Variants in FBXO16 observed in about 807,000 individuals in gnomAD.
The protein encoded by FBXO16 is F-box only protein 16.
Under a neutral mutation model 41.0 loss-of-function variants are expected in FBXO16, and 31 were observed. The observed-to-expected ratio is 0.76, with a 90% CI of 0.57 to 1.02. The LOEUF (loss-of-function observed/expected upper bound fraction) is 1.02, where lower values mean the gene tolerates loss of function less well. Among genes scored for constraint, FBXO16 ranks in the 50% least tolerant of loss-of-function variants. The pLI is 0.00. For synonymous variants in FBXO16, 133 were observed against 117.8 expected, an observed-to-expected ratio of 1.13 and a Z score of -0.84; for missense variants, 361 against 346.2, an observed-to-expected ratio of 1.04 and a Z score of -0.34.
At chr8:28,440,877 G>A (rs529923040) in intron 7 of FBXO16, among the ~76,000 whole-genome samples, 2 of 152,080 alleles carry the variant, frequency 1.3e-5, no homozygotes, top group African/African-American at 2.4e-5. Flanking sequence ...CTAGACAAAG[G>A]GTATTTGTGT....
At chr8:28,462,941 A>G (rs566148549) in intron 4 of FBXO16, among the ~76,000 whole-genome samples, 1 of 152,354 alleles carries the variant, frequency 6.6e-6, no homozygotes, top group South Asian at 2.1e-4. Context: ...GCTGTGCAGT[A>G]TAAGACCGTC....
chr8:28,490,138 C>T (rs1803667759), intron 1 of FBXO16, 48 bp downstream of exon 1: 1 of 152,154 alleles, frequency 6.6e-6, no homozygotes, highest in Non-Finnish European at 1.5e-5. Flanking sequence ...CTGGAGCTTT[C>T]CAAAGAGAGA....
At chr8:28,464,705 G>A (rs1198480713) in intron 3 of FBXO16, among the ~76,000 whole-genome samples, 2 of 152,106 alleles carry the variant, frequency 1.3e-5, no homozygotes. Context: ...CTAGATTGGA[G>A]TGCAGTGGTG....
At chr8:28,469,002 A>T (rs578247307) in intron 3 of FBXO16, among the ~76,000 whole-genome samples, 14 of 152,158 alleles carry the variant, frequency 9.2e-5, no homozygotes, top group African/African-American at 3.4e-4. Context: ...CTTTTTTTCT[A>T]ATTAAAAAAA....
intron 2 of FBXO16, among the ~76,000 whole-genome samples, chr8:28,478,908 A>T (rs1032915126): frequency 6.6e-6 from 1 of 151,334 alleles, no homozygotes; most frequent in African/African-American, 2.4e-5. Flanking sequence ...GCGGTTTGTC[A>T]TGGTTTAGCA....
chr8:28,432,520 A>T (rs1246915551), intron 7 of FBXO16, among the ~76,000 whole-genome samples: 1 of 152,024 alleles, frequency 6.6e-6, no homozygotes, highest in East Asian at 1.9e-4. Flanking sequence ...CAAAAACCCA[A>T]ATTAATACAG....
chr8:28,488,902 G>A (rs1228070733), intron 1 of FBXO16, among the ~76,000 whole-genome samples: 1 of 152,064 alleles, frequency 6.6e-6, no homozygotes, highest in East Asian at 1.9e-4. Flanking sequence ...CAGACACACT[G>A]AACTCATGGC....
intron 2 of FBXO16, among the ~76,000 whole-genome samples, chr8:28,474,352 A>AAAAG (rs1563368937): frequency 3.9e-5 from 5 of 127,916 alleles, no homozygotes; most frequent in Non-Finnish European, 8.0e-5. Flanking sequence ...AAAAAAAAAA[A>AAAAG]AGAGAGAGAA....
At chr8:28,435,959 T>C (rs1474590952) in intron 7 of FBXO16, among the ~76,000 whole-genome samples, 1 of 152,174 alleles carries the variant, frequency 6.6e-6, no homozygotes. Context: ...GATTATTGTG[T>C]TTGAAAAACA....
chr8:28,434,474 A>G (rs1290149225), intron 7 of FBXO16, among the ~76,000 whole-genome samples: 1 of 152,220 alleles, frequency 6.6e-6, no homozygotes, highest in South Asian at 2.1e-4. Flanking sequence ...TACCAATGAC[A>G]GTAATAACTG....
intron 1 of FBXO16, among the ~76,000 whole-genome samples, chr8:28,487,386 A>G (rs1457597918): frequency 1.3e-5 from 2 of 148,670 alleles, no homozygotes; most frequent in African/African-American, 5.0e-5. Flanking sequence ...ACTATTAAGA[A>G]GACAGATTTT....
chr8:28,452,459 T>C lies in FBXO16; in HGVS notation c.525A>G (p.Gly175=), dbSNP rs922819385. 1 of 1,614,014 alleles carries C rather than the reference T, an allele frequency of 6.2e-7. No individual in the cohort carries two copies. The highest frequency in any genetic ancestry group is 1.7e-5 in the Admixed American group (1 of 60,016). ...ITKPKTPPKD[G]FVIADVQLVT... ...CTAGTTGAACGTCAGCGATTACAAA[T>C]CCATCCTTTGGGGGTGTCTAGAAGA... Residue 175 remains glycine (G), a synonymous_variant, in exon 6 of 9, where the codon GGA becomes GGG. Coordinates refer to ENST00000380254, the MANE Select transcript of FBXO16 (RefSeq NM_172366.4).
chr8:28,432,243 G>A (rs1802618281), intron 7 of FBXO16, among the ~76,000 whole-genome samples: 1 of 152,072 alleles, frequency 6.6e-6, no homozygotes, highest in African/African-American at 2.4e-5. Flanking sequence ...GGAGGCCGAT[G>A]TGGGCGGATC....
chr8:28,463,344 ATT>A (rs1447141303), intron 4 of FBXO16, among the ~76,000 whole-genome samples: 4 of 146,106 alleles, frequency 2.7e-5, no homozygotes, highest in Non-Finnish European at 4.5e-5. Context: ...TTGTGTGTAT[ATT>A]TGTGTTTGTG....
At chr8:28,470,671 GT>G (rs1803320261) in intron 3 of FBXO16, among the ~76,000 whole-genome samples, 2 of 152,010 alleles carry the variant, frequency 1.3e-5, no homozygotes, top group South Asian at 4.1e-4. Context: ...GAATTTCGTT[GT>G]TTTCATTTGC....
chr8:28,465,880 TA>T (rs1364827357), intron 3 of FBXO16, among the ~76,000 whole-genome samples: 2 of 151,618 alleles, frequency 1.3e-5, no homozygotes, highest in Non-Finnish European at 2.9e-5. Context: ...TCAGTTTGAT[TA>T]CGTGAGAGTG....
At chr8:28,447,476 G>A in intron 6 of FBXO16, 1 of 511,750 alleles carries the variant, frequency 2.0e-6, no homozygotes, top group Non-Finnish European at 3.5e-6. Flanking sequence ...ACTATGAGCT[G>A]CAAATGGAAA....
intron 4 of FBXO16, among the ~76,000 whole-genome samples, chr8:28,463,148 A>G (rs575941797): frequency 6.7e-6 from 1 of 150,140 alleles, no homozygotes; most frequent in Admixed American, 6.6e-5. Context: ...GTGTGTGTGT[A>G]TGTTTGTGTG....
At chr8:28,446,635 G>A (rs1406416115) in intron 7 of FBXO16, among the ~76,000 whole-genome samples, 2 of 151,764 alleles carry the variant, frequency 1.3e-5, no homozygotes, top group Admixed American at 6.6e-5. Context: ...ACTTTGGGAG[G>A]CCGAGGCAGG....
Sources: allele counts gnomAD v4.1 joint callset (sites outside exome capture counted in the v4.1 genomes callset), GRCh38; gene constraint gnomAD v4.1.1; transcripts MANE v1.5; gene names NCBI Gene and HGNC (gene_info 2026-07-23, HGNC 2026-07-21).